Variants in NPHP3 observed in about 807,000 individuals in gnomAD.
NPHP3 encodes nephrocystin-3.
In NPHP3, 123 loss-of-function variants were observed where a neutral mutation model predicts 171.9. That is an observed-to-expected ratio of 0.72 (90% confidence interval 0.62 to 0.83). NPHP3 has a LOEUF of 0.83. Among genes scored for constraint, NPHP3 ranks in the 40% least tolerant of loss-of-function variants. The pLI is 0.00. For synonymous variants in NPHP3, 558 were observed against 579.2 expected (o/e 0.96, Z 0.52); for missense variants, 1,506 against 1,591.9 (o/e 0.95, Z 0.92).
Position 132,688,827 on chromosome 3 carries a change from C to T in NPHP3, c.2948G>A (p.Arg983Lys), listed in dbSNP as rs909410608. 17 of 1,613,962 alleles carry T rather than the reference C, an allele frequency of 1.1e-5. No homozygotes were observed. Among genetic ancestry groups the T allele is most frequent in the Non-Finnish European group, 1.4e-5 (16 of 1,180,008 alleles). Residue 983 changes from arginine to lysine, a missense_variant, in exon 21 of 27, where the codon AGA becomes AAA. By Grantham distance (26) the Arg-to-Lys change is conservative. Coordinates refer to ENST00000337331, the MANE Select transcript of NPHP3 (RefSeq NM_153240.5). ...TAGTTGGTGGAGGGACTGGGCTACT[C>T]TTGGGTGATCGGGATCTAAAGCTGT... ...RETALDPDHP[R>K]VAQSLHQLAS...
chr3:132,696,762 A>G lies in NPHP3; in HGVS notation c.2140T>C (p.Tyr714His), dbSNP rs1939463809. The change falls in exon 15 of 27, where the codon TAT (tyrosine) becomes CAT (histidine). Residue 714 changes from tyrosine (Y) to histidine (H), a missense_variant. Transcript: ENST00000337331. ...ATCATTTTGCCGAAAAGGGTGACATAAAGGGCATTGCAGGTTGTAGCAGAA... is the reference window on the plus strand; with the variant it reads ...ATCATTTTGCCGAAAAGGGTGACATGAAGGGCATTGCAGGTTGTAGCAGAA... ...CRSATTCNAL[Y>H]VTLFGKMIAR... 13 of 1,614,036 alleles carry G rather than the reference A, an allele frequency of 8.1e-6. No homozygotes were observed. Among genetic ancestry groups the G allele is most frequent in the Non-Finnish European group, 1.1e-5 (13 of 1,180,000 alleles).
intron 1 of NPHP3, among the ~76,000 whole-genome samples, chr3:132,721,124 G>C (rs934936208): frequency 2.0e-5 from 3 of 151,830 alleles, no homozygotes; most frequent in African/African-American, 4.8e-5. Context: ...CACCATGTTG[G>C]CCAGGCTGAT....
chr3:132,690,492 T>G (rs1486119301), intron 19 of NPHP3, 36 bp downstream of exon 19: 1 of 1,598,996 alleles, frequency 6.3e-7, no homozygotes, highest in Non-Finnish European at 8.6e-7. Context: ...TTTAAATCTC[T>G]CTTTCTGGGG....
At chr3:132,690,301 C>T (rs544269686) in intron 19 of NPHP3, among the ~76,000 whole-genome samples, 12 of 152,158 alleles carry the variant, frequency 7.9e-5, no homozygotes, top group African/African-American at 2.4e-4. Context: ...AAAGTTGAAC[C>T]GAAATCATTC....
intron 4 of NPHP3, 122 bp from the exon 5 acceptor site, chr3:132,715,340 C>T: frequency 1.3e-6 from 1 of 778,436 alleles, no homozygotes. Flanking sequence ...GTTAATACTG[C>T]CATACCTTCT....
rs145715402 is a variant in NPHP3, at chr3:132,713,216, A to G, written c.1028T>C (p.Ile343Thr). The G allele has an allele frequency of 6.8e-5, 108 of 1,590,376 alleles. No homozygotes were observed. The highest frequency in any genetic ancestry group is 9.2e-5 in the Non-Finnish European group (107 of 1,161,884). The part of the protein sequence containing the change: ...GYFFHAVYFP[I>T]DVENQYLTVR... ...AGTGAGGTATTGATTTTCAACATCT[A>G]TTGGAAAATAAACAGCATGGAAAAA... is the stretch of plus-strand genomic sequence containing the variant. Residue 343 changes from isoleucine to threonine, a missense_variant, in exon 6 of 27, where the codon ATA becomes ACA. By Grantham distance (89) the Ile-to-Thr change is moderately conservative. Around this residue, in one of 3 missense-constraint regions of NPHP3, gnomAD observed 930 missense variants for 924.9 expected, o/e 1.01. Transcript: ENST00000337331.
chr3:132,700,315 A>G lies in NPHP3; in HGVS notation c.1743+19T>C. ...AATCTAAATAAAATTCTGTAATTCCAAAAGATGGGATACTATACCTTTAGA... is the reference window on the plus strand; with the variant it reads ...AATCTAAATAAAATTCTGTAATTCCGAAAGATGGGATACTATACCTTTAGA... On this transcript the variant is annotated intron_variant, in intron 11 of 26. Transcript: ENST00000337331. 6.6e-7 allele frequency: 1 copy of G among 1,526,048 alleles called. No individual in the cohort carries two copies. The highest frequency in any genetic ancestry group is 2.3e-5 in the East Asian group (1 of 44,400). 94.5% of individuals were successfully genotyped at this position (1,526,048 alleles called of 1,614,324 possible).
At chr3:132,706,276 G>A (rs923265119) in intron 7 of NPHP3, among the ~76,000 whole-genome samples, 6 of 151,358 alleles carry the variant, frequency 4.0e-5, no homozygotes, top group South Asian at 2.1e-4. Context: ...AGAGAATGGC[G>A]TGAACCCGGG....
At chr3:132,684,475 A>C in intron 24 of NPHP3, 79 bp downstream of exon 24, 1 of 1,509,598 alleles carries the variant, frequency 6.6e-7, no homozygotes, top group Non-Finnish European at 9.2e-7. Flanking sequence ...TCCCTCATAA[A>C]GACAAATTAT....
At chr3:132,712,542 G>T (rs1467894516) in intron 6 of NPHP3, 3 of 450,544 alleles carry the variant, frequency 6.7e-6, no homozygotes, top group Non-Finnish European at 1.3e-5. Flanking sequence ...CAAGGCAGGG[G>T]GATCACAAGG....
intron 19 of NPHP3, 80 bp from the exon 20 acceptor site, chr3:132,689,343 C>T (rs1258894309): frequency 3.5e-5 from 50 of 1,446,762 alleles, no homozygotes; most frequent in African/African-American, 5.6e-5. Flanking sequence ...GAATTAATAT[C>T]AAGTTATTGA....
At chr3:132,721,615 C>G (rs1940220786) in intron 1 of NPHP3, 3 of 410,814 alleles carry the variant, frequency 7.3e-6, no homozygotes, top group Non-Finnish European at 1.4e-5. Flanking sequence ...CTAATTTCTT[C>G]TAGGTGCCTC....
Position 132,690,527 on chromosome 3 carries a change from C to T in NPHP3, c.2693+1G>A. On this transcript the variant is annotated splice_donor_variant, in intron 19 of 26. Coordinates refer to ENST00000337331, the MANE Select transcript of NPHP3 (RefSeq NM_153240.5). LOFTEE classifies it high-confidence loss of function. ...GAAAGATGTTCTATAATGTTTCTTA[C>T]CTTTTATAAAGGTTTTGAGACACAA... 2 of 1,612,450 alleles carry T rather than the reference C, an allele frequency of 1.2e-6. No homozygotes were observed. The highest frequency in any genetic ancestry group is 8.5e-7 in the Non-Finnish European group (1 of 1,178,600).
At chr3:132,718,969 A>G in intron 3 of NPHP3, 25 bp downstream of exon 3, 2 of 1,613,626 alleles carry the variant, frequency 1.2e-6, no homozygotes, top group Non-Finnish European at 1.7e-6. Flanking sequence ...TGAAAGCTCA[A>G]AATATAAATA....
chr3:132,698,563 T>C (rs1203459845), intron 13 of NPHP3, among the ~76,000 whole-genome samples: 2 of 151,874 alleles, frequency 1.3e-5, no homozygotes, highest in Non-Finnish European at 2.9e-5. Context: ...AGATGTGAGC[T>C]ACCATGCCCG....
rs1939022985 is a variant in NPHP3 at position 132,681,345 on chromosome 3, C to G, written c.*565G>C. On this transcript the variant is annotated 3_prime_UTR_variant, in exon 27 of 27. Coordinates refer to ENST00000337331, the MANE Select transcript of NPHP3 (RefSeq NM_153240.5). ...CTGGCACAATCTCAGCTCATAGCAA[C>G]CTCCACTTGCTGAGTTCAAGCGATT... The G allele has an allele frequency of 6.6e-6, 1 of 151,998 alleles. No homozygotes were observed. The highest frequency in any genetic ancestry group is 1.4e-5 in the Non-Finnish European group (1 of 69,380). The allele number at this position is 151,998 out of a possible 1,614,324, so 9.4% of individuals were successfully genotyped here. A position where few individuals can be genotyped will look rare whatever the true frequency, so the allele number is the denominator to read the frequency against.
intron 9 of NPHP3, among the ~76,000 whole-genome samples, chr3:132,703,553 CT>C (rs1302014807): frequency 6.9e-6 from 1 of 144,184 alleles, no homozygotes; most frequent in African/African-American, 2.5e-5. Context: ...ACTTACTATT[CT>C]TTTTTTTCTT....
chr3:132,709,622 G>A (rs193266727), intron 6 of NPHP3, among the ~76,000 whole-genome samples: 1 of 152,160 alleles, frequency 6.6e-6, no homozygotes, highest in African/African-American at 2.4e-5. Flanking sequence ...AGGACACTGC[G>A]ACCAATTCCC....
At chr3:132,682,387 C>A in intron 26 of NPHP3, 1 of 547,420 alleles carries the variant, frequency 1.8e-6, no homozygotes, top group Non-Finnish European at 3.3e-6. Flanking sequence ...AATGAGCAAG[C>A]AAAAGTCAAC....
Sources: gnomAD v4.1 joint callset for allele counts (sites outside exome capture counted in the v4.1 genomes callset) on GRCh38, gnomAD v4.1.1 for gene constraint, gnomAD v4.1.1 regional missense constraint, MANE v1.5 for transcripts, NCBI Gene and HGNC (gene_info 2026-07-23, HGNC 2026-07-21) for gene names.